The following GIT1 variants were observed in gnomAD, a reference collection of about 807,000 sequenced individuals.
GIT1 encodes GIT ArfGAP 1.
Under a neutral mutation model 91.7 loss-of-function variants are expected in GIT1, and 14 were observed. The observed-to-expected ratio is 0.15, with a 90% CI of 0.10 to 0.24. The LOEUF is 0.24. Ranked by LOEUF, GIT1 falls within the 10% of genes least tolerant of loss-of-function variation. The probability of loss-of-function intolerance (pLI) is 1.00; values close to 1 mark genes in which losing one functional copy is unlikely to be tolerated. For missense variants in GIT1, 717 were observed against 1,024.9 expected, an observed-to-expected ratio of 0.70 and a Z score of 4.10; for synonymous variants, 414 against 418.2, an observed-to-expected ratio of 0.99 and a Z score of 0.12.
chr17:29,578,986 G>A, intron 7 of GIT1: 1 of 1,613,964 alleles, frequency 6.2e-7, no homozygotes, highest in Non-Finnish European at 8.5e-7. Context: ...CTTTTGCCGA[G>A]ATCTAAGTCC....
rs914699135 is a variant in GIT1, at chr17:29,589,192, G to C, written c.52+135C>G. ...GGCGCAGCTCCGCAGTGGCCGAGGC[G>C]GGGGCCCAGCCTGGAGGCCGCAGCC... On this transcript the variant is annotated intron_variant, in intron 1 of 19. Coordinates refer to ENST00000225394, the MANE Select transcript of GIT1 (RefSeq NM_014030.4). This position sits in a 1 kb window ranked among gnomAD's most constrained non-coding sequence, Gnocchi z 5.2. The C allele has an allele frequency of 4.2e-6, 1 of 240,358 alleles. No homozygotes were observed. The highest frequency in any genetic ancestry group is 6.8e-6 in the Non-Finnish European group (1 of 147,940). The allele number at this position is 240,358 out of a possible 1,614,324, so 14.9% of individuals were successfully genotyped here. A position where few individuals can be genotyped will look rare whatever the true frequency, so the allele number is the denominator to read the frequency against.
chr17:29,588,525 C>T (rs1448760096), intron 1 of GIT1, among the ~76,000 whole-genome samples: 1 of 152,240 alleles, frequency 6.6e-6, no homozygotes, highest in Non-Finnish European at 1.5e-5. Flanking sequence ...CGGGGAATCT[C>T]GGCACGGCCT....
chr17:29,574,131 A>G lies in GIT1; in HGVS notation c.*571T>C, dbSNP rs2033094595. On this transcript the variant is annotated 3_prime_UTR_variant, in exon 20 of 20. Transcript: ENST00000225394. ...TTAAGGGGTGGGGAAGAAGAAAGAA[A>G]AAAAAAAAACAGACTTTCCAGTGTT... 1 of 152,496 alleles carries G rather than the reference A, an allele frequency of 6.6e-6. No homozygotes were observed. The highest frequency in any genetic ancestry group is 1.5e-5 in the Non-Finnish European group (1 of 68,216). The allele number at this position is 152,496 out of a possible 1,614,324, so 9.4% of individuals were successfully genotyped here.
chr17:29,588,023 G>C (rs1183565602), intron 1 of GIT1, among the ~76,000 whole-genome samples: 2 of 152,124 alleles, frequency 1.3e-5, no homozygotes, highest in Non-Finnish European at 2.9e-5. Context: ...GGAGGCCTTG[G>C]TCATAACCAC....
At position 29,574,900 on chromosome 17, in the gene GIT1, C is replaced by T. The variant is rs1336981023; in HGVS notation, c.2088G>A (p.Glu696=). The change falls in exon 20 of 20, where the codon GAG becomes GAA. Residue 696 remains glutamate, a synonymous_variant. Transcript: ENST00000225394. Reference sequence around the variant, plus strand: ...GCAGCCGCAGTGAGCTCCGCACTGGCTCCAGGGCTGGCCTCTGGAGGGGGC... The same window carrying T: ...GCAGCCGCAGTGAGCTCCGCACTGGTTCCAGGGCTGGCCTCTGGAGGGGGC... ...ASLFPKRPAL[E]PVRSSLRLLN... is the part of the protein sequence containing the mutation. 6.4e-7 allele frequency: 1 copy of T among 1,567,112 alleles called. No individual in the cohort carries two copies. The highest frequency in any genetic ancestry group is 8.6e-7 in the Non-Finnish European group (1 of 1,159,100).
At chr17:29,583,391 G>T in intron 2 of GIT1, 92 bp downstream of exon 2, 2 of 1,387,498 alleles carry the variant, frequency 1.4e-6, no homozygotes, top group Non-Finnish European at 2.0e-6. Context: ...GCAGATTCCA[G>T]ATGGGGGTGT....
In GIT1 at chr17:29,576,866, G is replaced by C. The variant is rs1046210524; in HGVS notation, c.1224C>G (p.Ala408=). ...RSTGATRSNR[A]RSMDSSDLSD... is the part of the protein sequence containing the mutation. ...GGAAGGAGGGTGGGACTCAGACCCG[G>C]GCCCGGTTGCTCCGAGTGGCGCCGG... Residue 408 remains alanine, a synonymous_variant, in exon 12 of 20, where the codon GCC becomes GCG. Transcript: ENST00000225394. 6.3e-7 allele frequency: 1 copy of C among 1,575,660 alleles called. No individual in the cohort carries two copies.
At chr17:29,578,225 C>A (rs780834240) in intron 9 of GIT1, 74 bp downstream of exon 9, 2 of 1,229,226 alleles carry the variant, frequency 1.6e-6, no homozygotes, top group Non-Finnish European at 2.4e-6. Flanking sequence ...CCTTCTTAGC[C>A]CAGTAAAGGA....
In GIT1 at chr17:29,581,878, TC is replaced by T; in HGVS notation, c.624-43del. ...TGGCTCAGACCTGCAGCAGCAGCCCTCACCCACACCCCCACCCACCCACACT... is the reference window on the plus strand; with the variant it reads ...TGGCTCAGACCTGCAGCAGCAGCCCTACCCACACCCCCACCCACCCACACT... On this transcript the variant is annotated intron_variant, in intron 5 of 19. Coordinates refer to ENST00000225394, the MANE Select transcript of GIT1 (RefSeq NM_014030.4). This position sits in a 1 kb window ranked among gnomAD's most constrained non-coding sequence, Gnocchi z 4.8. The T allele has an allele frequency of 6.2e-7, 1 of 1,608,338 alleles. No individual in the cohort carries two copies. Among genetic ancestry groups the T allele is most frequent in the Non-Finnish European group, 8.5e-7 (1 of 1,176,214 alleles).
intron 4 of GIT1, 89 bp downstream of exon 4, chr17:29,582,609 G>T: frequency 1.1e-6 from 1 of 900,112 alleles, no homozygotes; most frequent in Non-Finnish European, 1.8e-6. Flanking sequence ...GGGGCCCAGG[G>T]CTCAGTGGGG....
At chr17:29,579,525 C>T (rs983593150) in intron 7 of GIT1, among the ~76,000 whole-genome samples, 4 of 152,100 alleles carry the variant, frequency 2.6e-5, no homozygotes, top group African/African-American at 7.2e-5. Context: ...GTGGGAGGTT[C>T]GCTTGAGGCC....
intron 2 of GIT1, 83 bp from the exon 3 acceptor site, chr17:29,583,120 C>T: frequency 1.1e-6 from 1 of 915,656 alleles, no homozygotes; most frequent in Non-Finnish European, 1.8e-6. Flanking sequence ...CCTGCTGTGG[C>T]TGGCGTAGCT....
Position 29,575,365 on chromosome 17 carries a change from A to G in GIT1, c.1932T>C (p.Asp644=), listed in dbSNP as rs765288737. 5 of 1,613,648 alleles carry G rather than the reference A, an allele frequency of 3.1e-6. No individual in the cohort carries two copies. Among genetic ancestry groups the G allele is most frequent in the Non-Finnish European group, 4.2e-6 (5 of 1,179,850 alleles). ...DLDPGLPSTE[D]VILKTEQVTK... ...TGACCTGCTCTGTCTTCAAGATGAC[A>G]TCCTCTGTGCTGGGAAGCCCAGGAT... Residue 644 remains aspartate, a synonymous_variant, in exon 18 of 20, where the codon GAT becomes GAC. Coordinates refer to ENST00000225394, the MANE Select transcript of GIT1 (RefSeq NM_014030.4). This position sits in a 1 kb window ranked among gnomAD's most constrained non-coding sequence, Gnocchi z 5.5.
At chr17:29,586,070 G>A (rs2033586384) in intron 1 of GIT1, among the ~76,000 whole-genome samples, 1 of 152,180 alleles carries the variant, frequency 6.6e-6, no homozygotes, top group African/African-American at 2.4e-5. Context: ...CTAGACTAAG[G>A]GAAAAGCCCA....
rs2033454674 is a variant in GIT1 at position 29,582,978 on chromosome 17, G to A, written c.246C>T (p.Asp82=). The A allele has an allele frequency of 1.9e-6, 3 of 1,612,210 alleles. No individual in the cohort carries two copies. Among genetic ancestry groups the A allele is most frequent in the Non-Finnish European group, 2.5e-6 (3 of 1,179,854 alleles). Residue 82 remains aspartate (D), a synonymous_variant, in exon 3 of 20, where the codon GAC becomes GAT. Transcript: ENST00000225394. The part of the protein sequence containing the change: ...ANSIWEHSLL[D]PAQVQSGRRK... ...GCCGGCCGCTCTGCACTTGTGCGGG[G>A]TCCAGCAGGGAGTGCTCCCAGATGG... is the stretch of plus-strand genomic sequence containing the variant.
Position 29,581,672 on chromosome 17 carries a change from G to T in GIT1, c.718+70C>A. On this transcript the variant is annotated intron_variant, in intron 6 of 19. Transcript: ENST00000225394. This position sits in a 1 kb window ranked among gnomAD's most constrained non-coding sequence, Gnocchi z 4.8. ...GTCACCATGGCACCTGCTGCCGGGT[G>T]CGTCCAGGTCCCACCTGCCCAGCCC... 2.5e-6 allele frequency: 3 copies of T among 1,188,342 alleles called. No homozygotes were observed. Among genetic ancestry groups the T allele is most frequent in the Non-Finnish European group, 2.5e-6 (2 of 808,938 alleles). The allele number at this position is 1,188,342 out of a possible 1,614,324, so 73.6% of individuals were successfully genotyped here. A position where few individuals can be genotyped will look rare whatever the true frequency, so the allele number is the denominator to read the frequency against.
In GIT1 at chr17:29,589,249, A is replaced by C; in HGVS notation, c.52+78T>G. The C allele has an allele frequency of 5.9e-6, 2 of 341,192 alleles. No homozygotes were observed. Among genetic ancestry groups the C allele is most frequent in the Non-Finnish European group, 8.3e-6 (2 of 242,120 alleles). The allele number at this position is 341,192 out of a possible 1,614,324, so 21.1% of individuals were successfully genotyped here. Reference sequence around the variant, plus strand: ...CCCGCCCAGCCCTCCGGCCCCGCACAGCGCTCTTGCCAGGCCCCGGCGCCC... The same window carrying C: ...CCCGCCCAGCCCTCCGGCCCCGCACCGCGCTCTTGCCAGGCCCCGGCGCCC... On this transcript the variant is annotated intron_variant, in intron 1 of 19. Transcript: ENST00000225394. The surrounding 1 kb of genome is among the most constrained non-coding windows in gnomAD (Gnocchi z 5.2).
intron 1 of GIT1, 194 bp from the exon 2 acceptor site, chr17:29,583,810 T>C: frequency 6.5e-6 from 4 of 619,312 alleles, no homozygotes. Flanking sequence ...AGCTGGGGGC[T>C]GACAGAGCCA....
In GIT1 at chr17:29,583,438, ACT is replaced by A. The variant is rs748708004; in HGVS notation, c.186+43_186+44del. On this transcript the variant is annotated intron_variant, in intron 2 of 19. Transcript: ENST00000225394. ...GGGGAAACGCCCTCATGCTCAGCAC[ACT>A]CTGCCTGAGGGGAAGGAAGAACCAC... The A allele has an allele frequency of 3.1e-6, 5 of 1,597,256 alleles. No homozygotes were observed. In the African/African-American group the frequency reaches 5.4e-5, roughly 17 times the overall value.
Sources: allele counts gnomAD v4.1 joint callset (sites outside exome capture counted in the v4.1 genomes callset), GRCh38; gene constraint gnomAD v4.1.1; non-coding constraint Gnocchi (gnomAD v3.1); transcripts MANE v1.5; gene names NCBI Gene and HGNC (gene_info 2026-07-23, HGNC 2026-07-21).